Variants in RBM6 observed in about 807,000 individuals in gnomAD.
RBM6 encodes the protein RNA-binding protein 6.
RBM6 carries 23 observed loss-of-function variants against 140.4 expected under a neutral mutation model. That is an observed-to-expected ratio of 0.16 (90% CI 0.12 to 0.23). The LOEUF is 0.23. RBM6 is among the 10% of genes least tolerant of loss of function. The pLI, the probability that RBM6 is intolerant of heterozygous loss-of-function variation, is 1.00. For missense variants in RBM6, 1,139 were observed against 1,386.7 expected (o/e 0.82, Z 2.84); for synonymous variants, 439 against 475.6 (o/e 0.92, Z 1.00).
Position 49,967,450 on chromosome 3 carries a change from CA to C in RBM6, c.45-19del, listed in dbSNP as rs1290896181. 1 of 1,606,132 alleles carries C rather than the reference CA, an allele frequency of 6.2e-7. No individual in the cohort carries two copies. Among genetic ancestry groups the C allele is most frequent in the East Asian group, 2.2e-5 (1 of 44,774 alleles). ...CAAACTCTCTGGACAATATGAATAACACTGTCTTTGTTTCTACAGTGGGAGC... is the reference window on the plus strand; with the variant it reads ...CAAACTCTCTGGACAATATGAATAACCTGTCTTTGTTTCTACAGTGGGAGC... On this transcript the variant is annotated intron_variant, in intron 2 of 20. Transcript: ENST00000266022. This position sits in a 1 kb window ranked among gnomAD's most constrained non-coding sequence, Gnocchi z 4.0.
At chr3:50,061,274 C>G (rs889084148) in intron 13 of RBM6, 53 bp downstream of exon 13, 2 of 1,610,860 alleles carry the variant, frequency 1.2e-6, no homozygotes, top group African/African-American at 2.7e-5. Flanking sequence ...ACTTGCTACT[C>G]ATTACTTGAC....
chr3:50,012,319 A>G (rs918638944), intron 6 of RBM6, among the ~76,000 whole-genome samples: 4 of 151,874 alleles, frequency 2.6e-5, no homozygotes, highest in African/African-American at 4.8e-5. Flanking sequence ...AAGTGCTGGG[A>G]TTACAGGCAT....
intron 6 of RBM6, among the ~76,000 whole-genome samples, chr3:50,045,047 C>T (rs1281028462): frequency 1.3e-5 from 2 of 152,158 alleles, no homozygotes; most frequent in African/African-American, 2.4e-5. Context: ...ATAGATGATT[C>T]TGTGAGAATA....
At chr3:50,001,933 T>G (rs546313615) in intron 6 of RBM6, among the ~76,000 whole-genome samples, 6 of 152,276 alleles carry the variant, frequency 3.9e-5, no homozygotes, top group East Asian at 1.9e-4. Flanking sequence ...CAGGGAAACT[T>G]CTTGAGGAGT....
At chr3:49,995,529 A>G (rs1037013642) in intron 5 of RBM6, among the ~76,000 whole-genome samples, 9 of 151,902 alleles carry the variant, frequency 5.9e-5, no homozygotes, top group African/African-American at 1.7e-4. Context: ...CTGGGTGACA[A>G]AGCAAGACTC....
At chr3:50,064,256 G>A (rs146551043) in intron 15 of RBM6, among the ~76,000 whole-genome samples, 1 of 152,182 alleles carries the variant, frequency 6.6e-6, no homozygotes, top group Non-Finnish European at 1.5e-5. Flanking sequence ...AACACTGTTA[G>A]TTGTTTAGAG....
At position 49,968,523 on chromosome 3, in the gene RBM6, C is replaced by A. The variant is rs2084614539; in HGVS notation, c.1098C>A (p.Asp366Glu). The change falls in exon 3 of 21, where the codon GAC (aspartate) becomes GAA (glutamate). Residue 366 changes from aspartate to glutamate, a missense_variant. Coordinates refer to ENST00000266022, the MANE Select transcript of RBM6 (RefSeq NM_005777.3). ...DFQNSQSPVQDQDKSQLSGRE... is the reference protein window; with the variant it reads ...DFQNSQSPVQEQDKSQLSGRE... ...AGAACAGCCAAAGTCCAGTTCAAGA[C>A]CAAGATAAGTCACAGCTTTCTGGAC... 6.2e-7 allele frequency: 1 copy of A among 1,614,076 alleles called. No individual in the cohort carries two copies. Among genetic ancestry groups the A allele is most frequent in the African/African-American group, 1.3e-5 (1 of 74,928 alleles).
rs1224328159 is a variant in RBM6, at chr3:50,057,770, A to G, written c.1736A>G (p.Gln579Arg). The stretch of plus-strand genomic sequence containing the variant: ...GAATTAATAACCTACCCTCAGCCTC[A>G]GAAAACATCCATACCAGCACCATTG... ...KQELITYPQPQKTSIPAPLEK... is the reference protein window; with the variant it reads ...KQELITYPQPRKTSIPAPLEK... The change falls in exon 9 of 21, where the codon CAG becomes CGG. Residue 579 changes from glutamine (Q) to arginine (R), a missense_variant. This residue lies in a region of RBM6 where 109 missense variants were observed against 101.9 expected (regional missense o/e 1.07). Coordinates refer to ENST00000266022, the MANE Select transcript of RBM6 (RefSeq NM_005777.3). 1.9e-6 allele frequency: 3 copies of G among 1,613,500 alleles called. No individual in the cohort carries two copies. Among genetic ancestry groups the G allele is most frequent in the Non-Finnish European group, 2.5e-6 (3 of 1,179,916 alleles).
intron 2 of RBM6, among the ~76,000 whole-genome samples, chr3:49,966,666 C>T (rs183981005): frequency 9.8e-4 from 149 of 152,310 alleles, no homozygotes; most frequent in Non-Finnish European, 1.7e-3. Flanking sequence ...TGCTTGAAGA[C>T]CTAATGCTCT....
chr3:50,051,024 A>AGTAT (rs2108887760), intron 7 of RBM6, among the ~76,000 whole-genome samples: 1 of 152,134 alleles, frequency 6.6e-6, no homozygotes, highest in East Asian at 1.9e-4. Flanking sequence ...CTTTCTTGAG[A>AGTAT]GTATCCTTTC....
In RBM6 at chr3:49,962,624, C is replaced by T. The variant is rs1030613713; in HGVS notation, c.-18C>T. The T allele has an allele frequency of 1.0e-5, 16 of 1,588,224 alleles. No individual in the cohort carries two copies. The African/African-American group carries it at 1.6e-4, about 16-fold the overall frequency. On this transcript the variant is annotated 5_prime_UTR_variant, in exon 2 of 21. Coordinates refer to ENST00000266022, the MANE Select transcript of RBM6 (RefSeq NM_005777.3). ...TAGAAAAAGGATTTACTTGTTGGGG[C>T]CCTCTTGATAAAAAGAGATGTGGGG...
intron 6 of RBM6, among the ~76,000 whole-genome samples, chr3:50,008,578 G>A (rs1575676075): frequency 7.6e-6 from 1 of 131,888 alleles, no homozygotes; most frequent in South Asian, 2.3e-4. Flanking sequence ...TTTTTGAGAC[G>A]GATCTTGCTC....
chr3:50,037,810 TTTTCTTTCC>T (rs2088632661), intron 6 of RBM6, among the ~76,000 whole-genome samples: 2 of 149,696 alleles, frequency 1.3e-5, no homozygotes, highest in African/African-American at 2.5e-5. Context: ...GGCAAATTTC[TTTTCTTTCC>T]TTTTTTTTTT....
intron 17 of RBM6, 129 bp downstream of exon 17, chr3:50,066,631 C>T (rs2090131853): frequency 8.4e-7 from 1 of 1,186,186 alleles, no homozygotes; most frequent in Non-Finnish European, 1.2e-6. Flanking sequence ...AGTACAAGAC[C>T]AGTCTGGGCA....
chr3:49,986,765 T>G, intron 5 of RBM6, among the ~76,000 whole-genome samples: 1 of 127,324 alleles, frequency 7.9e-6, no homozygotes, highest in East Asian at 2.6e-4. Context: ...TCCCCTCCCC[T>G]CCCCTCCCCT....
chr3:50,005,391 G>A (rs1041237971), intron 6 of RBM6, among the ~76,000 whole-genome samples: 2 of 151,878 alleles, frequency 1.3e-5, no homozygotes, highest in African/African-American at 4.8e-5. Flanking sequence ...CCAGCTATTT[G>A]GAAGGCTAAA....
intron 1 of RBM6, among the ~76,000 whole-genome samples, chr3:49,959,639 C>T (rs1481843976): frequency 2.0e-4 from 29 of 146,722 alleles, no homozygotes; most frequent in African/African-American, 7.4e-4. Flanking sequence ...GGTGTGACCT[C>T]GGCTCACTGC....
intron 5 of RBM6, among the ~76,000 whole-genome samples, chr3:49,987,941 A>C (rs1004335448): frequency 6.6e-6 from 1 of 152,102 alleles, no homozygotes; most frequent in Non-Finnish European, 1.5e-5. Context: ...CCCGGTCATC[A>C]AAGATAATGT....
intron 5 of RBM6, among the ~76,000 whole-genome samples, chr3:49,987,726 C>T (rs1472256804): frequency 3.3e-5 from 5 of 152,124 alleles, no homozygotes; most frequent in African/African-American, 7.2e-5. Flanking sequence ...GCAACCTCTG[C>T]CTCCTGGGTT....
Sources: allele counts gnomAD v4.1 joint callset (sites outside exome capture counted in the v4.1 genomes callset), GRCh38; gene constraint gnomAD v4.1.1; regional missense constraint gnomAD v4.1.1; non-coding constraint Gnocchi (gnomAD v3.1); transcripts MANE v1.5; gene names NCBI Gene and HGNC (gene_info 2026-07-23, HGNC 2026-07-21).